Variants in PANK1 observed in about 807,000 individuals in gnomAD.
PANK1 encodes pantothenic acid kinase 1.
Under a neutral mutation model 40.1 loss-of-function variants are expected in PANK1, and 18 were observed. The observed-to-expected ratio is 0.45, with a 90% CI of 0.31 to 0.67. The LOEUF is 0.67. Ranked by LOEUF, PANK1 falls within the 30% of genes least tolerant of loss-of-function variation. The pLI is 0.06. For missense variants in PANK1, 457 were observed against 599.6 expected (o/e 0.76, Z 2.48); for synonymous variants, 242 against 237.7 (o/e 1.02, Z -0.17).
chr10:89,595,275 ACT>A (rs375977106), intron 3 of PANK1, among the ~76,000 whole-genome samples: 5 of 151,852 alleles, frequency 3.3e-5, no homozygotes, highest in East Asian at 3.9e-4. Flanking sequence ...ACAAGGTGAA[ACT>A]CTGTCTCCAT....
At chr10:89,616,938 C>A (rs1285050437) in intron 1 of PANK1, among the ~76,000 whole-genome samples, 2 of 151,938 alleles carry the variant, frequency 1.3e-5, no homozygotes, top group Admixed American at 6.6e-5. Context: ...GAGTATCTTA[C>A]TGGATAGGAA....
intron 4 of PANK1, among the ~76,000 whole-genome samples, chr10:89,593,575 G>A (rs1197708238): frequency 6.6e-6 from 1 of 152,180 alleles, no homozygotes; most frequent in African/African-American, 2.4e-5. Context: ...AATGGAACAG[G>A]TGAAACTATT....
chr10:89,633,212 T>C (rs1010976900), intron 1 of PANK1, among the ~76,000 whole-genome samples: 5 of 152,148 alleles, frequency 3.3e-5, no homozygotes, highest in African/African-American at 1.2e-4. Flanking sequence ...TGGGAAGTCA[T>C]GTGTATAAAC....
chr10:89,612,680 T>A (rs1325384176), intron 1 of PANK1, among the ~76,000 whole-genome samples: 1 of 152,180 alleles, frequency 6.6e-6, no homozygotes, highest in Non-Finnish European at 1.5e-5. Flanking sequence ...GACATGAAAT[T>A]CTAAAAAGAA....
At chr10:89,610,115 A>G (rs534067323) in intron 2 of PANK1, among the ~76,000 whole-genome samples, 2 of 152,286 alleles carry the variant, frequency 1.3e-5, no homozygotes, top group African/African-American at 4.8e-5. Context: ...TGGCAGCTTT[A>G]GTTTCTTATC....
chr10:89,596,475 A>G (rs2133937404), intron 3 of PANK1, among the ~76,000 whole-genome samples: 1 of 152,356 alleles, frequency 6.6e-6, no homozygotes, highest in Non-Finnish European at 1.5e-5. Flanking sequence ...AAATGAGGTA[A>G]AGCGAGCATG....
chr10:89,587,969 T>C (rs1195859646), intron 6 of PANK1, among the ~76,000 whole-genome samples: 3 of 152,208 alleles, frequency 2.0e-5, no homozygotes, highest in Non-Finnish European at 2.9e-5. Flanking sequence ...GTTTGAAATG[T>C]ATGTTCCCAT....
At chr10:89,642,931 C>G (rs1414088491) in intron 1 of PANK1, among the ~76,000 whole-genome samples, 1 of 152,166 alleles carries the variant, frequency 6.6e-6, no homozygotes, top group Admixed American at 6.5e-5. Context: ...ACATAAACCA[C>G]TTTAATTTCT....
intron 1 of PANK1, among the ~76,000 whole-genome samples, chr10:89,612,982 T>C (rs1845207671): frequency 6.6e-6 from 1 of 152,184 alleles, no homozygotes; most frequent in African/African-American, 2.4e-5. Context: ...TAGGTGAAAG[T>C]ATACTTAATG....
At chr10:89,622,855 A>T (rs1160227431) in intron 1 of PANK1, among the ~76,000 whole-genome samples, 1 of 152,120 alleles carries the variant, frequency 6.6e-6, no homozygotes, top group Non-Finnish European at 1.5e-5. Flanking sequence ...AAAAAACTTA[A>T]AACATTGAAG....
At chr10:89,598,587 T>C (rs527237453) in intron 3 of PANK1, among the ~76,000 whole-genome samples, 1 of 152,346 alleles carries the variant, frequency 6.6e-6, no homozygotes, top group South Asian at 2.1e-4. Flanking sequence ...TAGAGAGATC[T>C]GACCCTAGAT....
chr10:89,593,385 AAG>A, intron 4 of PANK1, 65 bp from the exon 5 acceptor site: 1 of 1,554,368 alleles, frequency 6.4e-7, no homozygotes, highest in Non-Finnish European at 8.8e-7. Context: ...CCTTCCACCA[AAG>A]TATTGTGGAA....
intron 1 of PANK1, among the ~76,000 whole-genome samples, chr10:89,615,353 G>A (rs1044924327): frequency 6.6e-6 from 1 of 152,134 alleles, no homozygotes; most frequent in African/African-American, 2.4e-5. Flanking sequence ...GTAAATACAG[G>A]TAACTGAAAA....
chr10:89,591,042 A>T (rs1844369176), intron 5 of PANK1, among the ~76,000 whole-genome samples: 1 of 151,062 alleles, frequency 6.6e-6, no homozygotes, highest in African/African-American at 2.5e-5. Flanking sequence ...ATGTTTATGA[A>T]TTTTCTTAAT....
At chr10:89,623,031 A>T (rs143584576) in intron 1 of PANK1, among the ~76,000 whole-genome samples, 63 of 152,280 alleles carry the variant, frequency 4.1e-4, no homozygotes, top group African/African-American at 1.4e-3. Flanking sequence ...ATCTATCGTT[A>T]GGTGAAAAGG....
rs1041421689 is a variant in PANK1, at chr10:89,642,355, C to T, written c.292+2245G>A. On this transcript the variant is annotated intron_variant, in intron 1 of 6. Transcript: ENST00000307534. ...CACACATGCATTCCAGGTGCATTTACAAGTGTTAACACTGGCTATCTTAAC... is the reference window on the plus strand; with the variant it reads ...CACACATGCATTCCAGGTGCATTTATAAGTGTTAACACTGGCTATCTTAAC... 9.2e-5 allele frequency among the ~76,000 whole-genome samples: 14 copies of T among 152,226 alleles called. 1 individual carries two copies. The highest frequency in any genetic ancestry group is 2.9e-5 in the Non-Finnish European group (2 of 68,042).
chr10:89,621,996 GAGCCGCT>G (rs1350755505), intron 1 of PANK1, among the ~76,000 whole-genome samples: 4 of 152,216 alleles, frequency 2.6e-5, no homozygotes, highest in African/African-American at 9.6e-5. Context: ...TTACAGGCAT[GAGCCGCT>G]GCATCTGGCC....
intron 1 of PANK1, among the ~76,000 whole-genome samples, chr10:89,615,502 T>C (rs907475872): frequency 1.3e-5 from 2 of 152,136 alleles, no homozygotes; most frequent in East Asian, 1.9e-4. Flanking sequence ...AACAGAACAA[T>C]TGGAAAAAGT....
chr10:89,642,618 T>C (rs772712962), intron 1 of PANK1, among the ~76,000 whole-genome samples: 1 of 152,202 alleles, frequency 6.6e-6, no homozygotes, highest in Non-Finnish European at 1.5e-5. Context: ...CTAATTCCTC[T>C]TAGAGTAACT....
Sources: allele counts gnomAD v4.1 joint callset (sites outside exome capture counted in the v4.1 genomes callset), GRCh38; gene constraint gnomAD v4.1.1; transcripts MANE v1.5; gene names NCBI Gene and HGNC (gene_info 2026-07-23, HGNC 2026-07-21).